The following SKA2 variants were observed in gnomAD, a reference collection of about 807,000 sequenced individuals.
SKA2 encodes the protein spindle and kinetochore associated complex subunit 2, also known as spindle and kinetochore-associated protein 2.
SKA2 carries 13 observed loss-of-function variants against 16.9 expected under a neutral mutation model. The ratio of observed to expected loss-of-function variants is 0.77; its 90% CI spans 0.50 to 1.22. The LOEUF is 1.22. SKA2 is among the 50% of genes most tolerant of loss of function. The probability of loss-of-function intolerance (pLI) is 0.00; values close to 1 mark genes in which losing one functional copy is unlikely to be tolerated. For missense variants in SKA2, 107 were observed against 139.7 expected, an observed-to-expected ratio of 0.77 and a Z score of 1.18; for synonymous variants, 47 against 48.5, an observed-to-expected ratio of 0.97 and a Z score of 0.13.
At chr17:59,149,841 C>T in intron 1 of SKA2, among the ~76,000 whole-genome samples, 1 of 152,078 alleles carries the variant, frequency 6.6e-6, no homozygotes, top group Non-Finnish European at 1.5e-5. Context: ...AAAAGTTAAA[C>T]TAGAGATCAG....
At chr17:59,135,939 A>G (rs2147810197) in intron 1 of SKA2, among the ~76,000 whole-genome samples, 1 of 151,830 alleles carries the variant, frequency 6.6e-6, no homozygotes, top group South Asian at 2.1e-4. Flanking sequence ...CCAGTTACTT[A>G]AAGAGCTGAG....
chr17:59,110,192 G>C lies in SKA2; in HGVS notation c.*2085C>G, dbSNP rs1292165458. On this transcript the variant is annotated 3_prime_UTR_variant, in exon 4 of 4. Coordinates refer to ENST00000330137, the MANE Select transcript of SKA2 (RefSeq NM_182620.4). ...AGAGGCTTGAGAAACAAATGAAAATGTATTGAGAAGTGCATAGAGAACAAT... is the reference window on the plus strand; with the variant it reads ...AGAGGCTTGAGAAACAAATGAAAATCTATTGAGAAGTGCATAGAGAACAAT... 2.0e-5 allele frequency: 3 copies of C among 152,164 alleles called. No homozygotes were observed. The highest frequency in any genetic ancestry group is 7.2e-5 in the African/African-American group (3 of 41,436). 9.4% of individuals were successfully genotyped at this position (152,164 alleles called of 1,614,324 possible).
Position 59,110,512 on chromosome 17 carries a change from G to A in SKA2, c.*1765C>T, listed in dbSNP as rs1393407360. ...TTTCTCTGTAATTAAAAAAAAGGGG[G>A]CCAGGCACGGTAGCTCATGCCTGTA... On this transcript the variant is annotated 3_prime_UTR_variant, in exon 4 of 4. Coordinates refer to ENST00000330137, the MANE Select transcript of SKA2 (RefSeq NM_182620.4). 6.6e-6 allele frequency: 1 copy of A among 152,164 alleles called. No homozygotes were observed. The highest frequency in any genetic ancestry group is 2.1e-4 in the South Asian group (1 of 4,826). 9.4% of individuals were successfully genotyped at this position (152,164 alleles called of 1,614,324 possible).
intron 1 of SKA2, 48 bp downstream of exon 1, chr17:59,155,083 T>G (rs2046613352): frequency 1.2e-6 from 2 of 1,613,910 alleles, no homozygotes. Flanking sequence ...TCCGAGGCCA[T>G]GGGGGAAAAA....
At chr17:59,119,602 C>T in intron 2 of SKA2, 107 bp from the exon 3 acceptor site, 1 of 1,005,600 alleles carries the variant, frequency 9.9e-7, no homozygotes, top group Non-Finnish European at 1.5e-6. Context: ...TTTAATTGAA[C>T]ACTGTTGAGT....
Position 59,138,723 on chromosome 17 carries a change from C to T in SKA2, c.34-7356G>A, listed in dbSNP as rs538395958. 7.9e-5 allele frequency among the ~76,000 whole-genome samples: 12 copies of T among 152,200 alleles called. No individual in the cohort carries two copies. The South Asian group carries it at 1.0e-3, about 13-fold the overall frequency. On this transcript the variant is annotated intron_variant, in intron 1 of 3. Transcript: ENST00000330137. The stretch of plus-strand genomic sequence containing the variant: ...CTGGGATTACAGGCATGAGCCACCG[C>T]GCCCAGCCTGTTCTAGTCTAGTTTT...
chr17:59,136,240 G>A (rs976426242), intron 1 of SKA2, among the ~76,000 whole-genome samples: 1 of 151,686 alleles, frequency 6.6e-6, no homozygotes, highest in Non-Finnish European at 1.5e-5. Context: ...GGGGCTCACT[G>A]CAACCTCTAC....
rs544096585 is a variant in SKA2 at position 59,138,050 on chromosome 17, G to A, written c.34-6683C>T. ...TGAGGTTATTGTTTAACTTTTTAGG[G>A]GCAATGGAATATTTAAAATAAAACT... is the stretch of plus-strand genomic sequence containing the variant. On this transcript the variant is annotated intron_variant, in intron 1 of 3. Coordinates refer to ENST00000330137, the MANE Select transcript of SKA2 (RefSeq NM_182620.4). Among the ~76,000 whole-genome samples, 6 of 152,076 alleles carry A rather than the reference G, an allele frequency of 3.9e-5. No homozygotes were observed. In the East Asian group the frequency reaches 1.2e-3, roughly 29 times the overall value.
intron 2 of SKA2, among the ~76,000 whole-genome samples, chr17:59,120,435 C>T (rs931751575): frequency 6.6e-6 from 1 of 150,842 alleles, no homozygotes; most frequent in East Asian, 2.0e-4. Flanking sequence ...TAAATAGATA[C>T]AGGAATCTCA....
intron 1 of SKA2, among the ~76,000 whole-genome samples, chr17:59,133,879 G>T (rs971184533): frequency 6.6e-6 from 1 of 152,102 alleles, no homozygotes; most frequent in Admixed American, 6.6e-5. Flanking sequence ...ATATTTTCCA[G>T]GTCAATATCT....
rs1856827483 is a variant in SKA2 at position 59,110,873 on chromosome 17, A to C, written c.*1404T>G. ...CAATTTTAACTGAAGCTGTTCTCACAACCCTGTTTTTCAGCTATTATAAGT... is the reference window on the plus strand; with the variant it reads ...CAATTTTAACTGAAGCTGTTCTCACCACCCTGTTTTTCAGCTATTATAAGT... On this transcript the variant is annotated 3_prime_UTR_variant, in exon 4 of 4. Coordinates refer to ENST00000330137, the MANE Select transcript of SKA2 (RefSeq NM_182620.4). 1 of 152,030 alleles carries C rather than the reference A, an allele frequency of 6.6e-6. No individual in the cohort carries two copies. Among genetic ancestry groups the C allele is most frequent in the Admixed American group, 6.6e-5 (1 of 15,238 alleles). 9.4% of individuals were successfully genotyped at this position (152,030 alleles called of 1,614,324 possible).
chr17:59,124,837 C>T (rs927183804), intron 2 of SKA2, among the ~76,000 whole-genome samples: 9 of 152,110 alleles, frequency 5.9e-5, no homozygotes, highest in African/African-American at 2.2e-4. Flanking sequence ...TAATTTAGGA[C>T]AACATGATTT....
chr17:59,122,120 T>C (rs1388222741), intron 2 of SKA2, among the ~76,000 whole-genome samples: 2 of 152,152 alleles, frequency 1.3e-5, no homozygotes, highest in African/African-American at 4.8e-5. Context: ...CTGACAATAT[T>C]GAGAAGAGTT....
At chr17:59,124,974 CTTT>C (rs35130048) in intron 2 of SKA2, among the ~76,000 whole-genome samples, 7 of 135,062 alleles carry the variant, frequency 5.2e-5, no homozygotes, top group Non-Finnish European at 4.8e-5. Context: ...CCACTACATT[CTTT>C]TTTTTTTTTT....
chr17:59,114,740 C>T (rs1452825325), intron 3 of SKA2, among the ~76,000 whole-genome samples: 1 of 152,170 alleles, frequency 6.6e-6, no homozygotes, highest in Non-Finnish European at 1.5e-5. Context: ...AAGGGACTTT[C>T]ACAGAGCACC....
chr17:59,125,130 C>T (rs978978397), intron 2 of SKA2, among the ~76,000 whole-genome samples: 3 of 149,636 alleles, frequency 2.0e-5, no homozygotes, highest in East Asian at 2.0e-4. Flanking sequence ...TGCGCCACTA[C>T]GCCTGGCTAA....
intron 2 of SKA2, among the ~76,000 whole-genome samples, chr17:59,125,340 T>C (rs570858573): frequency 1.3e-3 from 191 of 152,106 alleles, no homozygotes; most frequent in Middle Eastern, 6.8e-3. Context: ...TGCTGCACTT[T>C]AGTTAATTTT....
In SKA2 at chr17:59,111,502, ACACT is replaced by A. The variant is rs2046263730; in HGVS notation, c.*771_*774del. ...AGGGAAATTGACACATACATATAAC[ACACT>A]CACGCAAAACTGGCAAGTAGCAGAT... On this transcript the variant is annotated 3_prime_UTR_variant, in exon 4 of 4. Transcript: ENST00000330137. 2 of 152,194 alleles carry A rather than the reference ACACT, an allele frequency of 1.3e-5. No homozygotes were observed. The highest frequency in any genetic ancestry group is 4.8e-5 in the African/African-American group (2 of 41,438). The allele number at this position is 152,194 out of a possible 1,614,324, so 9.4% of individuals were successfully genotyped here.
intron 1 of SKA2, among the ~76,000 whole-genome samples, chr17:59,150,985 TAGTTA>T (rs2046572928): frequency 6.6e-6 from 1 of 152,074 alleles, no homozygotes; most frequent in Non-Finnish European, 1.5e-5. Context: ...TGTTTTTAAT[TAGTTA>T]AAAGGTTTTT....
Sources: gnomAD v4.1 joint callset for allele counts (sites outside exome capture counted in the v4.1 genomes callset) on GRCh38, gnomAD v4.1.1 for gene constraint, MANE v1.5 for transcripts, NCBI Gene and HGNC (gene_info 2026-07-23, HGNC 2026-07-21) for gene names.